The following PDPR variants were observed in gnomAD, a reference collection of about 807,000 sequenced individuals.
The protein encoded by PDPR is pyruvate dehydrogenase phosphatase regulatory subunit, mitochondrial.
A neutral mutation model predicts 102.2 loss-of-function variants in PDPR; 50 were observed. The ratio of observed to expected loss-of-function variants is 0.49; its 90% CI spans 0.39 to 0.62. PDPR has a LOEUF of 0.62. Ranked by LOEUF, PDPR falls within the 20% of genes least tolerant of loss-of-function variation. The probability of loss-of-function intolerance (pLI) is 0.00; values close to 1 mark genes in which losing one functional copy is unlikely to be tolerated. For synonymous variants in PDPR, 259 were observed against 406.0 expected (o/e 0.64, Z 4.35); for missense variants, 625 against 1,098.2 (o/e 0.57, Z 6.09).
At chr16:70,129,219 G>A (rs1361786158) in intron 6 of PDPR, 97 bp downstream of exon 6, 1 of 1,611,272 alleles carries the variant, frequency 6.2e-7, no homozygotes, top group Admixed American at 1.7e-5. Context: ...CTCAAGTTTG[G>A]AAAGATTATC....
At chr16:70,144,839 C>A (rs1281141775) in intron 15 of PDPR, among the ~76,000 whole-genome samples, 1 of 152,204 alleles carries the variant, frequency 6.6e-6, no homozygotes, top group Non-Finnish European at 1.5e-5. Context: ...CCTGTAATCC[C>A]AGCTACTTGG....
intron 18 of PDPR, among the ~76,000 whole-genome samples, chr16:70,155,125 G>A (rs1480359423): frequency 6.6e-6 from 1 of 152,088 alleles, no homozygotes; most frequent in Admixed American, 6.5e-5. Flanking sequence ...CTGGGAGGCA[G>A]AGGTTGCAGT....
intron 8 of PDPR, chr16:70,131,857 C>T (rs1406701216): frequency 1.4e-5 from 20 of 1,423,012 alleles, no homozygotes; most frequent in East Asian, 1.1e-4. Flanking sequence ...GTTAAACTTT[C>T]GCTTGGCACA....
At chr16:70,155,321 G>A (rs1471640676) in intron 18 of PDPR, among the ~76,000 whole-genome samples, 2 of 151,748 alleles carry the variant, frequency 1.3e-5, no homozygotes, top group Admixed American at 6.6e-5. Context: ...CGTTCTTGTT[G>A]TCCAGGCTGG....
intron 3 of PDPR, among the ~76,000 whole-genome samples, chr16:70,126,728 G>T (rs148306360): frequency 1.3e-5 from 2 of 152,344 alleles, no homozygotes; most frequent in East Asian, 3.9e-4. Flanking sequence ...GTCTGGCTAT[G>T]TTGCCCAGGC....
chr16:70,128,673 G>A, intron 4 of PDPR, 111 bp from the exon 5 acceptor site: 1 of 1,572,890 alleles, frequency 6.4e-7, no homozygotes, highest in South Asian at 1.2e-5. Context: ...GATATTGAGT[G>A]GCAGTCCCAG....
At position 70,127,371 on chromosome 16, in the gene PDPR, G is replaced by A. The variant is rs760091197; in HGVS notation, c.339G>A (p.Glu113=). The A allele has an allele frequency of 1.7e-5, 28 of 1,609,168 alleles. No homozygotes were observed. The highest frequency in any genetic ancestry group is 2.1e-5 in the Non-Finnish European group (25 of 1,178,056). Residue 113 remains glutamate (E), a synonymous_variant, in exon 4 of 19, where the codon GAG becomes GAA. Coordinates refer to ENST00000288050, the MANE Select transcript of PDPR (RefSeq NM_017990.5). ...DYSNKLYYQL[E]QETGIQTGYT... Reference sequence around the variant, plus strand: ...CAAACAAACTCTACTATCAGTTAGAGCAAGAAACAGGGATCCAAACAGGTA... The same window carrying A: ...CAAACAAACTCTACTATCAGTTAGAACAAGAAACAGGGATCCAAACAGGTA...
rs754941249 is a variant in PDPR, at chr16:70,153,555, T to C, written c.2217T>C (p.Ser739=). The C allele has an allele frequency of 8.1e-6, 13 of 1,606,290 alleles. No homozygotes were observed. The highest frequency in any genetic ancestry group is 1.3e-5 in the African/African-American group (1 of 74,834). Residue 739 remains serine, a synonymous_variant, in exon 18 of 19, where the codon TCT becomes TCC. Transcript: ENST00000288050. ...CGCCCCTGGAATGTGGACGAGAGTC[T>C]CGGGTGAAATTAGAGAAGGTACTGT... ...LTTPLECGRE[S]RVKLEKGMDF... is the part of the protein sequence containing the mutation.
chr16:70,138,207 A>ATTTTTTTTTTT (rs1201065640), intron 10 of PDPR, among the ~76,000 whole-genome samples: 2,549 of 93,794 alleles, frequency 0.027, 47 homozygotes, highest in Non-Finnish European at 0.038. Flanking sequence ...ACGCCGGCTA[A>ATTTTTTTTTTT]TTTTTTTTTT....
Position 70,148,519 on chromosome 16 carries a change from G to A in PDPR, c.2018G>A (p.Gly673Glu), listed in dbSNP as rs777420878. The A allele has an allele frequency of 1.8e-5, 29 of 1,613,478 alleles. No individual in the cohort carries two copies. The East Asian group carries it at 5.6e-4, about 31-fold the overall frequency. Residue 673 changes from glycine to glutamate, a missense_variant, in exon 17 of 19, where the codon GGA becomes GAA. Transcript: ENST00000288050. ...CGGGTGATGAGCATGACGCACACAG[G>A]AGAGCCAGGATTCATGCTCTACATC... The part of the protein sequence containing the change: ...GIRVMSMTHT[G>E]EPGFMLYIPI...
intron 10 of PDPR, among the ~76,000 whole-genome samples, chr16:70,138,549 T>C (rs1034217330): frequency 3.3e-5 from 5 of 152,014 alleles, no homozygotes; most frequent in Admixed American, 2.6e-4. Flanking sequence ...AGACGGGGTC[T>C]TACTATGTTG....
intron 3 of PDPR, among the ~76,000 whole-genome samples, chr16:70,123,148 C>G (rs1332517530): frequency 1.3e-5 from 2 of 152,236 alleles, no homozygotes; most frequent in African/African-American, 4.8e-5. Context: ...CTGATCCACC[C>G]GCCTCAGCCT....
intron 3 of PDPR, among the ~76,000 whole-genome samples, chr16:70,121,266 A>G (rs1426481180): frequency 2.6e-5 from 4 of 151,512 alleles, no homozygotes. Flanking sequence ...TAGGTCAAGT[A>G]TTTTCTGCTT....
chr16:70,132,555 T>C (rs1272240256), intron 9 of PDPR, among the ~76,000 whole-genome samples: 2 of 152,246 alleles, frequency 1.3e-5, no homozygotes, highest in Non-Finnish European at 2.9e-5. Context: ...TTTTTTTTTT[T>C]ATTTCTTGAG....
At chr16:70,122,113 A>T (rs1345158929) in intron 3 of PDPR, among the ~76,000 whole-genome samples, 5 of 152,148 alleles carry the variant, frequency 3.3e-5, no homozygotes, top group Admixed American at 6.6e-5. Flanking sequence ...CAGCCTCCCG[A>T]GTTGCTGGGA....
rs1191361809 is a variant in PDPR, at chr16:70,137,809, A to G, written c.1191-1090A>G. On this transcript the variant is annotated intron_variant, in intron 10 of 18. Transcript: ENST00000288050. Reference sequence around the variant, plus strand: ...AACTGTATAATCTTTAGGTGACAGAAAAAAACCCATTGGATATTTAGAGTA... The same window carrying G: ...AACTGTATAATCTTTAGGTGACAGAGAAAAACCCATTGGATATTTAGAGTA... Among the ~76,000 whole-genome samples the G allele has an allele frequency of 3.3e-5, 5 of 151,966 alleles. No homozygotes were observed. In the East Asian group the frequency reaches 9.6e-4, roughly 29 times the overall value.
chr16:70,154,761 T>A (rs1966927729), intron 18 of PDPR, among the ~76,000 whole-genome samples: 1 of 152,242 alleles, frequency 6.6e-6, no homozygotes, highest in Admixed American at 6.5e-5. Context: ...CACTTCAGCC[T>A]CCCAAGTGGC....
Position 70,120,640 on chromosome 16 carries a change from G to A in PDPR, c.148G>A (p.Gly50Ser), listed in dbSNP as rs756928194. ...CCAGGCACAGGTGGTCATCTGTGGA[G>A]GTGGAATCACGGGCACTTCTGTGGC... ...PTQAQVVICG[G>S]GITGTSVAYH... Residue 50 changes from glycine to serine, a missense_variant, in exon 3 of 19, where the codon GGT becomes AGT. Coordinates refer to ENST00000288050, the MANE Select transcript of PDPR (RefSeq NM_017990.5). 3.1e-6 allele frequency: 5 copies of A among 1,613,916 alleles called. No individual in the cohort carries two copies. In the East Asian group the frequency reaches 1.1e-4, roughly 36 times the overall value.
At chr16:70,143,896 T>TA (rs1256737237) in intron 14 of PDPR, among the ~76,000 whole-genome samples, 1 of 131,088 alleles carries the variant, frequency 7.6e-6, no homozygotes, top group African/African-American at 2.9e-5. Context: ...GTCTTTTTTC[T>TA]TTTTTTTTTT....
Sources: allele counts gnomAD v4.1 joint callset (sites outside exome capture counted in the v4.1 genomes callset), GRCh38; gene constraint gnomAD v4.1.1; transcripts MANE v1.5; gene names NCBI Gene and HGNC (gene_info 2026-07-23, HGNC 2026-07-21).